The following PCDHA8 variants were observed in gnomAD, a reference collection of about 807,000 sequenced individuals.
PCDHA8 encodes the protein protocadherin alpha 8, also known as protocadherin alpha-8.
In PCDHA8, 53 loss-of-function variants were observed where a neutral mutation model predicts 61.8. The ratio of observed to expected loss-of-function variants is 0.86; its 90% CI spans 0.69 to 1.08. The LOEUF is 1.08. Ranked by LOEUF, PCDHA8 falls within the 50% of genes least tolerant of loss-of-function variation. The pLI is 0.00. For synonymous variants in PCDHA8, 618 were observed against 556.6 expected, an observed-to-expected ratio of 1.11 and a Z score of -1.55; for missense variants, 1,293 against 1,245.0, an observed-to-expected ratio of 1.04 and a Z score of -0.58.
Position 140,850,921 on chromosome 5 carries a change from T to G in PCDHA8, c.2394+7206T>G, listed in dbSNP as rs2150502315. 43 of 1,526,092 alleles carry G rather than the reference T, an allele frequency of 2.8e-5. 3 individuals carry two copies. In the African/African-American group the frequency reaches 3.6e-4, roughly 13 times the overall value. 94.5% of individuals were successfully genotyped at this position (1,526,092 alleles called of 1,614,324 possible). ...TTTTCTAGCATTTTATTTATTTATA[T>G]AATTTTTTTTCTTGAAAGATATTAT... On this transcript the variant is annotated intron_variant, in intron 1 of 3. Coordinates refer to ENST00000531613, the MANE Select transcript of PCDHA8 (RefSeq NM_018911.3).
At chr5:140,861,319 C>G (rs781885907) in intron 1 of PCDHA8, 29 of 220,020 alleles carry the variant, frequency 1.3e-4, no homozygotes, top group Non-Finnish European at 2.1e-4. Context: ...ACCAGTTCCA[C>G]TACACCATCC....
intron 1 of PCDHA8, chr5:140,855,768 T>C (rs1047449445): frequency 1.8e-5 from 7 of 383,760 alleles, no homozygotes; most frequent in East Asian, 1.3e-4. Flanking sequence ...TCCATAGACA[T>C]AAAAATACGT....
At chr5:140,850,107 C>T (rs2150467518) in intron 1 of PCDHA8, 8 of 1,596,052 alleles carry the variant, frequency 5.0e-6, no homozygotes, top group South Asian at 1.1e-5. Context: ...GGTGAGCGCG[C>T]GCGACGCGGG....
At chr5:140,946,249 C>T (rs930979647) in intron 1 of PCDHA8, among the ~76,000 whole-genome samples, 2 of 151,896 alleles carry the variant, frequency 1.3e-5, no homozygotes, top group Admixed American at 6.6e-5. Flanking sequence ...CATCATGAAT[C>T]ATCAGAAAAA....
At chr5:141,000,389 CTCTCTCTATA>C (rs1363755181) in intron 3 of PCDHA8, among the ~76,000 whole-genome samples, 150 of 62,510 alleles carry the variant, frequency 2.4e-3, no homozygotes, top group African/African-American at 5.3e-3. Context: ...CTCTCTCTCT[CTCTCTCTATA>C]TATATATATA....
chr5:140,888,275 G>A (rs974764035), intron 1 of PCDHA8, among the ~76,000 whole-genome samples: 1 of 152,056 alleles, frequency 6.6e-6, no homozygotes, highest in African/African-American at 2.4e-5. Context: ...AAACAGTTTT[G>A]TCCCCTCTAC....
In PCDHA8 at chr5:140,972,940, A is replaced by G. The variant is rs148421479; in HGVS notation, c.2395-6009A>G. The stretch of plus-strand genomic sequence containing the variant: ...GCCTCCCAAAGTGCTGGGATTACAG[A>G]TGTGAGCCACCATGCCCGGCAAAGG... On this transcript the variant is annotated intron_variant, in intron 1 of 3. Coordinates refer to ENST00000531613, the MANE Select transcript of PCDHA8 (RefSeq NM_018911.3). Among the ~76,000 whole-genome samples the G allele has an allele frequency of 9.4e-3, 1,423 of 152,078 alleles. 26 individuals are homozygous for G. The highest frequency in any genetic ancestry group is 0.032 in the African/African-American group (1,334 of 41,472).
chr5:140,858,097 G>A (rs2045175006), intron 1 of PCDHA8: 1 of 1,597,732 alleles, frequency 6.3e-7, no homozygotes, highest in Non-Finnish European at 8.6e-7. Context: ...GGGCTTCAGT[G>A]GGCGTGGCGC....
At chr5:140,850,096 A>C (rs2150466906) in intron 1 of PCDHA8, 2 of 1,596,118 alleles carry the variant, frequency 1.3e-6, no homozygotes, top group African/African-American at 1.3e-5. Context: ...CTACAGTTCC[A>C]GGTGAGCGCG....
intron 2 of PCDHA8, 91 bp from the exon 3 acceptor site, chr5:140,982,384 C>T (rs1245752901): frequency 6.3e-7 from 1 of 1,584,990 alleles, no homozygotes; most frequent in African/African-American, 1.3e-5. Context: ...GCAGCCCTGG[C>T]TTCATAGTTG....
At chr5:140,916,070 G>A (rs1554197282) in intron 1 of PCDHA8, among the ~76,000 whole-genome samples, 1 of 152,130 alleles carries the variant, frequency 6.6e-6, no homozygotes, top group Non-Finnish European at 1.5e-5. Flanking sequence ...CCTGTGGCCA[G>A]TACTACCACT....
chr5:140,910,982 T>C (rs1204318531), intron 1 of PCDHA8, among the ~76,000 whole-genome samples: 1 of 152,130 alleles, frequency 6.6e-6, no homozygotes, highest in Non-Finnish European at 1.5e-5. Flanking sequence ...GGTTATACTC[T>C]GAACCTCACC....
At chr5:140,915,840 G>A (rs1554197129) in intron 1 of PCDHA8, among the ~76,000 whole-genome samples, 1 of 152,142 alleles carries the variant, frequency 6.6e-6, no homozygotes, top group Admixed American at 6.5e-5. Context: ...AGATCAGCAG[G>A]GGGTGACACC....
intron 3 of PCDHA8, among the ~76,000 whole-genome samples, chr5:141,003,809 G>C (rs1554259330): frequency 6.6e-6 from 1 of 152,290 alleles, no homozygotes; most frequent in African/African-American, 2.4e-5. Flanking sequence ...GTAATCTGTA[G>C]TCTGGGAAGG....
intron 1 of PCDHA8, among the ~76,000 whole-genome samples, chr5:140,875,000 C>A (rs2055209641): frequency 3.3e-5 from 5 of 152,130 alleles, no homozygotes; most frequent in Admixed American, 3.3e-4. Flanking sequence ...TATCATTTTC[C>A]ATGATAAAGT....
chr5:140,923,459 G>T (rs549692824), intron 1 of PCDHA8, among the ~76,000 whole-genome samples: 6 of 152,192 alleles, frequency 3.9e-5, no homozygotes, highest in Admixed American at 3.9e-4. Flanking sequence ...GCCCAGAGAG[G>T]TAGGGGCTGC....
intron 1 of PCDHA8, among the ~76,000 whole-genome samples, chr5:140,905,832 G>A (rs1292036271): frequency 1.3e-5 from 2 of 152,150 alleles, no homozygotes; most frequent in Non-Finnish European, 2.9e-5. Context: ...TGTATATAAA[G>A]GGGAGTTTAT....
At chr5:140,976,691 C>G (rs1219355793) in intron 1 of PCDHA8, among the ~76,000 whole-genome samples, 1 of 152,126 alleles carries the variant, frequency 6.6e-6, no homozygotes. Context: ...AATTTAAGTA[C>G]AATAATGTTG....
intron 1 of PCDHA8, chr5:140,857,163 G>A: frequency 1.3e-6 from 2 of 1,598,406 alleles, no homozygotes; most frequent in Non-Finnish European, 1.7e-6. Flanking sequence ...GCCCTAATCA[G>A]CGTTTCTGAC....
Sources: gnomAD v4.1 joint callset for allele counts (sites outside exome capture counted in the v4.1 genomes callset) on GRCh38, gnomAD v4.1.1 for gene constraint, MANE v1.5 for transcripts, NCBI Gene and HGNC (gene_info 2026-07-23, HGNC 2026-07-21) for gene names.